Variants in PTPRT observed in about 807,000 individuals in gnomAD.
PTPRT encodes the protein receptor-type tyrosine-protein phosphatase T.
Under a neutral mutation model 176.8 loss-of-function variants are expected in PTPRT, and 56 were observed. The ratio of observed to expected loss-of-function variants is 0.32; its 90% CI spans 0.26 to 0.40. PTPRT has a LOEUF of 0.40. Ranked by LOEUF, PTPRT falls within the 10% of genes least tolerant of loss-of-function variation. PTPRT has a pLI of 1.00. For missense variants in PTPRT, 1,540 were observed against 1,908.2 expected, an observed-to-expected ratio of 0.81 and a Z score of 3.60; for synonymous variants, 783 against 739.0, an observed-to-expected ratio of 1.06 and a Z score of -0.96.
chr20:42,305,510 C>T (rs975949950), intron 12 of PTPRT, among the ~76,000 whole-genome samples: 1 of 151,828 alleles, frequency 6.6e-6, no homozygotes, highest in African/African-American at 2.4e-5. Context: ...ATAAAATTTA[C>T]AGTTAAAAAT....
At chr20:43,081,638 C>T (rs1283207136) in intron 1 of PTPRT, among the ~76,000 whole-genome samples, 2 of 152,080 alleles carry the variant, frequency 1.3e-5, no homozygotes, top group African/African-American at 4.8e-5. Context: ...TTATTTTAAT[C>T]CTTCATTGAC....
At chr20:42,218,730 CT>C (rs1378181608) in intron 15 of PTPRT, among the ~76,000 whole-genome samples, 1 of 152,226 alleles carries the variant, frequency 6.6e-6, no homozygotes, top group Non-Finnish European at 1.5e-5. Context: ...CAGATGGCAT[CT>C]GTCTGTCACA....
chr20:42,098,596 A>C (rs1162394424), intron 26 of PTPRT, 44 bp from the exon 27 acceptor site: 1 of 1,610,856 alleles, frequency 6.2e-7, no homozygotes, highest in African/African-American at 1.3e-5. Context: ...CACATCCATC[A>C]GTGATATTCT....
At chr20:42,936,977 G>A (rs532829683) in intron 1 of PTPRT, among the ~76,000 whole-genome samples, 39 of 152,232 alleles carry the variant, frequency 2.6e-4, no homozygotes, top group African/African-American at 9.4e-4. Context: ...GATGGACCGT[G>A]GTCCACACAG....
chr20:42,705,438 G>T (rs1006590252), intron 6 of PTPRT, among the ~76,000 whole-genome samples: 1 of 151,802 alleles, frequency 6.6e-6, no homozygotes, highest in South Asian at 2.1e-4. Flanking sequence ...GGGGAGGTGC[G>T]GGGGTGTATT....
rs745346735 is a variant in PTPRT at position 42,161,528 on chromosome 20, C to T, written c.2506G>A (p.Gly836Arg). Residue 836 changes from glycine (G) to arginine (R), a missense_variant, in exon 17 of 31, where the codon GGG becomes AGG. Physicochemically the swap from Gly to Arg is moderately radical, Grantham distance 125. Around this residue, in one of 11 missense-constraint regions of PTPRT, gnomAD observed 255 missense variants for 250.1 expected, o/e 1.02. Coordinates refer to ENST00000373187, the MANE Select transcript of PTPRT (RefSeq NM_007050.6). Reference protein sequence around the residue: ...DVNGFTDGSRGELSQPTLTIQ... With the variant: ...DVNGFTDGSRRELSQPTLTIQ... ...GTGAGGGTGGGCTGGGAAAGCTCCC[C>T]GCGGCTGCCATCTGCTTCGAAAAGA... The T allele has an allele frequency of 1.1e-4, 173 of 1,608,766 alleles. No homozygotes were observed. Among genetic ancestry groups the T allele is most frequent in the Non-Finnish European group, 1.4e-4 (160 of 1,177,506 alleles).
intron 2 of PTPRT, among the ~76,000 whole-genome samples, chr20:42,864,667 T>C (rs2078716150): frequency 1.3e-5 from 2 of 152,220 alleles, no homozygotes; most frequent in East Asian, 1.9e-4. Context: ...CTGGCTATAG[T>C]GTCCCTGAAC....
chr20:42,276,714 T>A (rs1403940763), intron 13 of PTPRT, among the ~76,000 whole-genome samples: 1 of 151,124 alleles, frequency 6.6e-6, no homozygotes, highest in East Asian at 2.0e-4. Flanking sequence ...AATTATTCCA[T>A]GCAACCTCTC....
intron 7 of PTPRT, among the ~76,000 whole-genome samples, chr20:42,556,069 A>C (rs955887263): frequency 1.3e-5 from 2 of 152,234 alleles, no homozygotes; most frequent in African/African-American, 4.8e-5. Flanking sequence ...CTCTCAAGGC[A>C]CACATCTATT....
At chr20:42,566,570 A>G (rs892373709) in intron 7 of PTPRT, among the ~76,000 whole-genome samples, 2 of 152,202 alleles carry the variant, frequency 1.3e-5, no homozygotes, top group African/African-American at 4.8e-5. Context: ...AGTGCCTTGC[A>G]GGTGTTCCTC....
chr20:42,132,635 A>C (rs1988173215), intron 18 of PTPRT, among the ~76,000 whole-genome samples: 1 of 152,218 alleles, frequency 6.6e-6, no homozygotes. Context: ...CATACATATT[A>C]GGATGGCCAA....
chr20:42,098,452 A>G lies in PTPRT; in HGVS notation c.3815T>C (p.Val1272Ala). The change falls in exon 27 of 31, where the codon GTG becomes GCG. Residue 1272 changes from valine (V) to alanine (A), a missense_variant. Val to Ala is a moderately conservative substitution (Grantham distance 64). This residue lies in a region of PTPRT where 342 missense variants were observed against 394.0 expected (regional missense o/e 0.87). Transcript: ENST00000373187. ...RLVFDYNCSS[V>A]VMLNEMDTAQ... The stretch of plus-strand genomic sequence containing the variant: ...AGTGTCCATCTCATTCAGCATCACC[A>G]CAGAGGAGCAGTTGTAATCGAACAC... The G allele has an allele frequency of 1.9e-6, 3 of 1,614,124 alleles. No individual in the cohort carries two copies. Among genetic ancestry groups the G allele is most frequent in the South Asian group, 2.2e-5 (2 of 91,092 alleles).
At chr20:42,536,243 C>T (rs1186048562) in intron 7 of PTPRT, among the ~76,000 whole-genome samples, 4 of 152,126 alleles carry the variant, frequency 2.6e-5, no homozygotes, top group African/African-American at 7.2e-5. Context: ...TAACATTTCT[C>T]GAAAGCTGCC....
intron 7 of PTPRT, among the ~76,000 whole-genome samples, chr20:42,569,521 A>G (rs189109456): frequency 3.3e-4 from 51 of 152,278 alleles, no homozygotes; most frequent in African/African-American, 1.2e-3. Context: ...TATCACGTGA[A>G]TATCAGCCAA....
intron 2 of PTPRT, among the ~76,000 whole-genome samples, chr20:42,832,180 A>C (rs1393558322): frequency 6.6e-6 from 1 of 152,220 alleles, no homozygotes; most frequent in East Asian, 1.9e-4. Flanking sequence ...CATGGAATAC[A>C]ATGTAGCCAT....
intron 9 of PTPRT, among the ~76,000 whole-genome samples, chr20:42,405,223 A>C (rs2058949625): frequency 6.7e-6 from 1 of 150,204 alleles, no homozygotes; most frequent in East Asian, 1.9e-4. Flanking sequence ...TTTAAGTTCT[A>C]GGGTACATGT....
At chr20:43,088,228 T>C (rs1222993377) in intron 1 of PTPRT, among the ~76,000 whole-genome samples, 1 of 152,154 alleles carries the variant, frequency 6.6e-6, no homozygotes, top group Non-Finnish European at 1.5e-5. Context: ...GTAGTCAACA[T>C]GAATAATACC....
At chr20:42,782,990 T>G (rs2077236352) in intron 3 of PTPRT, among the ~76,000 whole-genome samples, 1 of 152,218 alleles carries the variant, frequency 6.6e-6, no homozygotes, top group Admixed American at 6.5e-5. Flanking sequence ...TAATAATGTA[T>G]TTCCTAGATA....
chr20:42,598,823 G>C (rs115390058), intron 7 of PTPRT, among the ~76,000 whole-genome samples: 7,949 of 152,026 alleles, frequency 0.052, 700 homozygotes, highest in African/African-American at 0.17. Context: ...TGGCTGCCTC[G>C]CCCATCAGGC....
Sources: allele counts gnomAD v4.1 joint callset (sites outside exome capture counted in the v4.1 genomes callset), GRCh38; gene constraint gnomAD v4.1.1; regional missense constraint gnomAD v4.1.1; transcripts MANE v1.5; gene names NCBI Gene and HGNC (gene_info 2026-07-23, HGNC 2026-07-21).